Variants in DOCK6 observed in about 807,000 individuals in gnomAD.
The protein encoded by DOCK6 is dedicator of cytokinesis protein 6.
DOCK6 carries 167 observed loss-of-function variants against 230.3 expected under a neutral mutation model. That is an observed-to-expected ratio of 0.73 (90% CI 0.64 to 0.82). DOCK6 has a LOEUF of 0.82. Among genes scored for constraint, DOCK6 ranks in the 40% least tolerant of loss-of-function variants. The pLI is 0.00. For missense variants in DOCK6, 2,598 were observed against 2,825.8 expected (o/e 0.92, Z 1.83); for synonymous variants, 1,148 against 1,185.0 (o/e 0.97, Z 0.64).
intron 33 of DOCK6, 58 bp from the exon 34 acceptor site, chr19:11,214,467 G>A (rs1412811946): frequency 6.2e-7 from 1 of 1,613,502 alleles, no homozygotes; most frequent in Non-Finnish European, 8.5e-7. Context: ...TATGGGGAAA[G>A]GGAAGGAGAG....
chr19:11,246,536 T>C (rs1371423284), intron 7 of DOCK6, among the ~76,000 whole-genome samples: 3 of 152,148 alleles, frequency 2.0e-5, no homozygotes, highest in Non-Finnish European at 4.4e-5. Flanking sequence ...AGTGGTGGGA[T>C]TACAGGCGTG....
intron 39 of DOCK6, among the ~76,000 whole-genome samples, chr19:11,207,384 A>G (rs1399208634): frequency 6.6e-6 from 1 of 150,862 alleles, no homozygotes; most frequent in East Asian, 2.0e-4. Flanking sequence ...TTTTGTAGAG[A>G]CAGGGTTTGC....
chr19:11,222,394 G>T lies in DOCK6; in HGVS notation c.3241-146C>A. On this transcript the variant is annotated intron_variant, in intron 26 of 47. Coordinates refer to ENST00000294618, the MANE Select transcript of DOCK6 (RefSeq NM_020812.4). This position sits in a 1 kb window ranked among gnomAD's most constrained non-coding sequence, Gnocchi z 4.0. ...GATGTTAAGTCATCTGGAGGTGACAGTGGGCATGGGTTTCAAGGCCAGAAG... is the reference window on the plus strand; with the variant it reads ...GATGTTAAGTCATCTGGAGGTGACATTGGGCATGGGTTTCAAGGCCAGAAG... 1.7e-6 allele frequency: 2 copies of T among 1,175,080 alleles called. No individual in the cohort carries two copies. Among genetic ancestry groups the T allele is most frequent in the Non-Finnish European group, 2.4e-6 (2 of 847,892 alleles). The allele number at this position is 1,175,080 out of a possible 1,614,324, so 72.8% of individuals were successfully genotyped here. A position where few individuals can be genotyped will look rare whatever the true frequency, so the allele number is the denominator to read the frequency against.
At chr19:11,256,898 C>T (rs912263415) in intron 1 of DOCK6, among the ~76,000 whole-genome samples, 16 of 151,986 alleles carry the variant, frequency 1.1e-4, no homozygotes, top group South Asian at 2.1e-4. Context: ...AGGATGGTCT[C>T]GAACTCCTGA....
chr19:11,232,420 G>C (rs1173624981), intron 22 of DOCK6: 2 of 633,338 alleles, frequency 3.2e-6, no homozygotes, highest in Non-Finnish European at 4.8e-6. Context: ...CCTGAAAAAT[G>C]TGCACGTGTA....
chr19:11,224,245 C>T (rs1369753475), intron 24 of DOCK6, among the ~76,000 whole-genome samples: 1 of 122,804 alleles, frequency 8.1e-6, no homozygotes, highest in East Asian at 3.0e-4. Context: ...GAGTCTTGCT[C>T]TGTCGCCCAG....
At chr19:11,247,904 G>T in intron 7 of DOCK6, 162 bp downstream of exon 7, 1 of 616,354 alleles carries the variant, frequency 1.6e-6, no homozygotes, top group African/African-American at 1.8e-5. Context: ...TCGGGATAAT[G>T]AAAAAGGAAG....
intron 14 of DOCK6, chr19:11,241,841 G>A: frequency 7.3e-7 from 1 of 1,375,772 alleles, no homozygotes; most frequent in Non-Finnish European, 1.0e-6. Flanking sequence ...ACGCAGGCGG[G>A]GACAAAGGCA....
At chr19:11,242,671 T>C (rs2079965783) in intron 13 of DOCK6, among the ~76,000 whole-genome samples, 1 of 151,912 alleles carries the variant, frequency 6.6e-6, no homozygotes, top group Non-Finnish European at 1.5e-5. Context: ...GCATTACAGG[T>C]ATGAGCCATC....
At chr19:11,254,090 C>G (rs1254916013) in intron 1 of DOCK6, 1 of 208,562 alleles carries the variant, frequency 4.8e-6, no homozygotes, top group Admixed American at 6.1e-5. Context: ...ACACACCCAG[C>G]CCTGCCCCTG....
chr19:11,222,339 C>T lies in DOCK6; in HGVS notation c.3241-91G>A. On this transcript the variant is annotated intron_variant, in intron 26 of 47. Coordinates refer to ENST00000294618, the MANE Select transcript of DOCK6 (RefSeq NM_020812.4). The surrounding 1 kb of genome is among the most constrained non-coding windows in gnomAD (Gnocchi z 4.0). ...AAGCCATCTTGGAGGTGACAGAAAT[C>T]ATGGTGCCAATAGCCACAGATGAAA... 4 of 1,486,346 alleles carry T rather than the reference C, an allele frequency of 2.7e-6. No individual in the cohort carries two copies. Among genetic ancestry groups the T allele is most frequent in the Non-Finnish European group, 3.6e-6 (4 of 1,100,850 alleles). The allele number at this position is 1,486,346 out of a possible 1,614,324, so 92.1% of individuals were successfully genotyped here.
chr19:11,245,578 G>A lies in DOCK6; in HGVS notation c.1008C>T (p.Ile336=), dbSNP rs2080018643. The change falls in exon 9 of 48, where the codon ATC becomes ATT. Residue 336 remains isoleucine (I), a synonymous_variant. Transcript: ENST00000294618. Reference sequence around the variant, plus strand: ...CAGCAGGCACCTTGATGACCAGGAAGATGTCAGGTGAGGGGTAGGTCACAG... The same window carrying A: ...CAGCAGGCACCTTGATGACCAGGAAAATGTCAGGTGAGGGGTAGGTCACAG... The part of the protein sequence containing the change: ...IFSVTYPSPD[I]FLVIKLEKVL... 6.4e-7 allele frequency: 1 copy of A among 1,559,932 alleles called. No homozygotes were observed. The highest frequency in any genetic ancestry group is 1.4e-5 in the African/African-American group (1 of 73,380).
intron 6 of DOCK6, among the ~76,000 whole-genome samples, chr19:11,249,020 A>G (rs1395422883): frequency 1.3e-5 from 2 of 152,158 alleles, no homozygotes; most frequent in Non-Finnish European, 2.9e-5. Flanking sequence ...CACTCAATAA[A>G]TGGCCAAATA....
chr19:11,228,784 G>C, intron 23 of DOCK6, 156 bp downstream of exon 23: 1 of 604,722 alleles, frequency 1.7e-6, no homozygotes, highest in Admixed American at 2.8e-5. Flanking sequence ...GGATGGTCTC[G>C]ATCTCCTGAC....
chr19:11,228,756 G>C (rs1239105442), intron 23 of DOCK6, 184 bp downstream of exon 23: 4 of 523,872 alleles, frequency 7.6e-6, no homozygotes, highest in Non-Finnish European at 1.4e-5. Flanking sequence ...TAGAGACGGG[G>C]TTTCACCGTG....
At chr19:11,253,984 C>A (rs1462005442) in intron 1 of DOCK6, 2 of 383,236 alleles carry the variant, frequency 5.2e-6, no homozygotes, top group Admixed American at 5.0e-5. Flanking sequence ...CCCCTCCCGG[C>A]TGGGCCTGTG....
rs1177764865 is a variant in DOCK6 at position 11,216,919 on chromosome 19, A to G, written c.3889T>C (p.Tyr1297His). The G allele has an allele frequency of 6.2e-7, 1 of 1,613,476 alleles. No individual in the cohort carries two copies. Among genetic ancestry groups the G allele is most frequent in the Non-Finnish European group, 8.5e-7 (1 of 1,179,826 alleles). ...LLYLCLAAFE[Y>H]KGKKAFERIN... is the part of the protein sequence containing the mutation. ...TCCTGCCCACGCCCTCAAACCTTGT[A>G]CTCAAAGGCAGCTAGGCAAAGGTAC... Residue 1297 changes from tyrosine to histidine, a missense_variant, in exon 30 of 48, where the codon TAC becomes CAC. Transcript: ENST00000294618.
At position 11,199,513 on chromosome 19, in the gene DOCK6, C is replaced by T. The variant is rs746117967; in HGVS notation, c.6128G>A (p.Arg2043Gln). ...CTTGTGGGCTCAGAGGTCTGCCTTTCGGAAACTTGCTCTGTTCAAGGAGTT... is the reference window on the plus strand; with the variant it reads ...CTTGTGGGCTCAGAGGTCTGCCTTTTGGAAACTTGCTCTGTTCAAGGAGTT... Reference protein sequence around the residue: ...LRNSLNRASFRKADL With the variant: ...LRNSLNRASFQKADL The change falls in exon 48 of 48, where the codon CGA becomes CAA. Residue 2043 changes from arginine (R) to glutamine (Q), a missense_variant. Arg to Gln is a conservative substitution (Grantham distance 43). Transcript: ENST00000294618. 122 of 1,583,778 alleles carry T rather than the reference C, an allele frequency of 7.7e-5. No homozygotes were observed. Among genetic ancestry groups the T allele is most frequent in the Admixed American group, 7.6e-4 (42 of 55,110 alleles).
In DOCK6 at chr19:11,200,828, G is replaced by A. The variant is rs1600838307; in HGVS notation, c.5833-6C>T. 5.6e-6 allele frequency: 9 copies of A among 1,612,772 alleles called. No homozygotes were observed. The highest frequency in any genetic ancestry group is 7.6e-6 in the Non-Finnish European group (9 of 1,178,922). On this transcript the variant is annotated splice_polypyrimidine_tract_variant and splice_region_variant and intron_variant, in intron 45 of 47. Coordinates refer to ENST00000294618, the MANE Select transcript of DOCK6 (RefSeq NM_020812.4). The surrounding 1 kb of genome is among the most constrained non-coding windows in gnomAD (Gnocchi z 4.3). ...TGGGCCACCTCCAGGGGACCCTGTG[G>A]GGTGAGAGGGACTGGTGAGCCAGCC...
Sources: allele counts gnomAD v4.1 joint callset (sites outside exome capture counted in the v4.1 genomes callset), GRCh38; gene constraint gnomAD v4.1.1; non-coding constraint Gnocchi (gnomAD v3.1); transcripts MANE v1.5; gene names NCBI Gene and HGNC (gene_info 2026-07-23, HGNC 2026-07-21).